Variants in POM121 observed in about 807,000 individuals in gnomAD.
The protein encoded by POM121 is POM121 transmembrane nucleoporin.
In POM121, 32 loss-of-function variants were observed where a neutral mutation model predicts 81.3. The ratio of observed to expected loss-of-function variants is 0.39; its 90% CI spans 0.30 to 0.53. POM121 has a LOEUF of 0.53. POM121 is among the 20% of genes least tolerant of loss of function. The pLI is 0.66. For synonymous variants in POM121, 514 were observed against 694.2 expected (o/e 0.74, Z 4.08); for missense variants, 1,138 against 1,614.6 (o/e 0.70, Z 5.06).
intron 3 of POM121, among the ~76,000 whole-genome samples, chr7:72,902,098 G>GTGAAACTC (rs1792710944): frequency 6.6e-6 from 1 of 150,878 alleles, no homozygotes; most frequent in African/African-American, 2.4e-5. Context: ...GGCAACAAGA[G>GTGAAACTC]TGAAACTCAT....
intron 3 of POM121, among the ~76,000 whole-genome samples, chr7:72,908,294 C>T (rs576176397): frequency 1.4e-4 from 22 of 152,194 alleles, no homozygotes; most frequent in African/African-American, 4.8e-5. Flanking sequence ...CATCACATGT[C>T]GGCAGGTTCC....
At chr7:72,902,113 A>C (rs1792714243) in intron 3 of POM121, among the ~76,000 whole-genome samples, 3 of 151,958 alleles carry the variant, frequency 2.0e-5, no homozygotes, top group Non-Finnish European at 1.5e-5. Context: ...ACTCATGAAA[A>C]AAAAAACAAA....
At chr7:72,948,807 G>C, downstream of POM121, 1 of 1,537,798 alleles carries the variant, frequency 6.5e-7, no homozygotes, top group Non-Finnish European at 9.0e-7. Flanking sequence ...GCGGGAGCTA[G>C]CCTGCAAGAG....
intron 3 of POM121, among the ~76,000 whole-genome samples, chr7:72,911,585 G>T (rs1203499789): frequency 6.6e-6 from 1 of 152,180 alleles, no homozygotes; most frequent in Non-Finnish European, 1.5e-5. Flanking sequence ...GTGCCTTTGC[G>T]CTCTGGCTCG....
chr7:72,926,750 A>G, intron 2 of POM121, 52 bp from the exon 3 acceptor site: 4 of 1,597,356 alleles, frequency 2.5e-6, no homozygotes, highest in Non-Finnish European at 2.6e-6. Context: ...TCTGTGCTAT[A>G]TGGCATGGGA....
intron 1 of POM121, among the ~76,000 whole-genome samples, chr7:72,882,533 T>TA (rs1286891854): frequency 2.6e-5 from 4 of 152,232 alleles, no homozygotes; most frequent in African/African-American, 9.6e-5. Flanking sequence ...TGCTGACTTA[T>TA]GGCTTATTCT....
At position 72,928,510 on chromosome 7, in the gene POM121, A is replaced by C. The variant is rs376342863; in HGVS notation, c.1103+45A>C. On this transcript the variant is annotated intron_variant, in intron 4 of 12. Transcript: ENST00000434423. ...GATGAAATACCAACTGTTTGGAAAA[A>C]GGCCTGATCAGAGCTGTTGCCCTAT... The C allele has an allele frequency of 8.3e-4, 1,323 of 1,588,650 alleles. 1 individual carries two copies. Among genetic ancestry groups the C allele is most frequent in the Admixed American group, 1.2e-3 (71 of 59,960 alleles).
chr7:72,925,406 C>G lies in POM121; in HGVS notation c.285C>G (p.Phe95Leu). Reference sequence around the variant, plus strand: ...GTCATCGGCGCCCCTTGTCCTCCTTCGTTCGGAAGGCGCGTCATCGGCGAA... The same window carrying G: ...GTCATCGGCGCCCCTTGTCCTCCTTGGTTCGGAAGGCGCGTCATCGGCGAA... Reference protein sequence around the residue: ...KARHRRPLSSFVRKARHRRTL... With the variant: ...KARHRRPLSSLVRKARHRRTL... Residue 95 changes from phenylalanine (F) to leucine (L), a missense_variant, in exon 1 of 13, where the codon TTC (phenylalanine) becomes TTG (leucine). By Grantham distance (22) the Phe-to-Leu change is conservative (BLOSUM62 0). This residue lies in a region of POM121 where 646 missense variants were observed against 633.5 expected (regional missense o/e 1.02). Coordinates refer to ENST00000434423, the MANE Select transcript of POM121 (RefSeq NM_001387691.1). The G allele has an allele frequency of 1.3e-6, 2 of 1,531,836 alleles. No homozygotes were observed. Among genetic ancestry groups the G allele is most frequent in the Non-Finnish European group, 1.7e-6 (2 of 1,145,054 alleles). 94.9% of individuals were successfully genotyped at this position (1,531,836 alleles called of 1,614,324 possible). A position where few individuals can be genotyped will look rare whatever the true frequency, so the allele number is the denominator to read the frequency against.
chr7:72,946,235 C>G lies in POM121; in HGVS notation c.*1C>G, dbSNP rs782100248. On this transcript the variant is annotated 3_prime_UTR_variant, in exon 13 of 13. Transcript: ENST00000434423. ...AAGGCAGCACACCCGCAAAAAGTAG[C>G]CTTTGTCCCCTGTCCCTGTTCCCCC... 20 of 1,611,222 alleles carry G rather than the reference C, an allele frequency of 1.2e-5. No individual in the cohort carries two copies. The highest frequency in any genetic ancestry group is 1.7e-5 in the Non-Finnish European group (20 of 1,179,512).
At chr7:72,904,379 G>A (rs1793025130) in intron 3 of POM121, among the ~76,000 whole-genome samples, 1 of 152,198 alleles carries the variant, frequency 6.6e-6, no homozygotes. Flanking sequence ...CATCAGTGGG[G>A]TATGCATTTG....
In POM121 at chr7:72,914,339, C is replaced by T. The variant is rs187224018; in HGVS notation, c.-152+511C>T. Reference sequence around the variant, plus strand: ...TCTTCCCAGCTGAGGCCCCACATGTCGTGGACCAGAGACAAGCCAGGCCTG... The same window carrying T: ...TCTTCCCAGCTGAGGCCCCACATGTTGTGGACCAGAGACAAGCCAGGCCTG... On this transcript the variant is annotated intron_variant, in intron 4 of 15. Transcript: ENST00000395270. Among the ~76,000 whole-genome samples the T allele has an allele frequency of 4.6e-5, 7 of 152,290 alleles. No individual in the cohort carries two copies. In the East Asian group the frequency reaches 7.7e-4, roughly 17 times the overall value.
intron 4 of POM121, among the ~76,000 whole-genome samples, chr7:72,919,333 G>A (rs1794592923): frequency 6.6e-6 from 1 of 151,820 alleles, no homozygotes; most frequent in South Asian, 2.1e-4. Flanking sequence ...GGAAAAACAG[G>A]CATATATATT....
chr7:72,890,339 T>C (rs1226387358), intron 1 of POM121, among the ~76,000 whole-genome samples: 1 of 152,180 alleles, frequency 6.6e-6, no homozygotes, highest in Non-Finnish European at 1.5e-5. Context: ...TATCTCCTTA[T>C]TAGGTTGTCT....
chr7:72,893,225 C>G (rs530463712), intron 3 of POM121, among the ~76,000 whole-genome samples: 3 of 152,148 alleles, frequency 2.0e-5, no homozygotes, highest in Non-Finnish European at 4.4e-5. Flanking sequence ...TTCCAAAGTG[C>G]TGGGATTACA....
At chr7:72,925,083 G>C (rs1795228576), upstream of POM121, 1 of 1,382,846 alleles carries the variant, frequency 7.2e-7, no homozygotes, top group Non-Finnish European at 9.3e-7. Flanking sequence ...CGCGGTGCAC[G>C]CTGGGATATT....
At chr7:72,881,774 C>T (rs1254485816) in intron 1 of POM121, among the ~76,000 whole-genome samples, 3 of 152,092 alleles carry the variant, frequency 2.0e-5, no homozygotes, top group Non-Finnish European at 4.4e-5. Context: ...GGATTACAGG[C>T]GTGCGCCACC....
chr7:72,910,925 C>T (rs1371690029), intron 3 of POM121, among the ~76,000 whole-genome samples: 1 of 152,030 alleles, frequency 6.6e-6, no homozygotes, highest in Non-Finnish European at 1.5e-5. Context: ...TGGGTCAGCC[C>T]TTCTCTTCTC....
intron 5 of POM121, among the ~76,000 whole-genome samples, chr7:72,934,152 T>G (rs1363607823): frequency 1.3e-5 from 2 of 152,004 alleles, no homozygotes; most frequent in Non-Finnish European, 2.9e-5. Flanking sequence ...TGCTGTGACC[T>G]TGGCTCACTG....
Position 72,939,970 on chromosome 7 carries a change from T to A in POM121, c.1563+2T>A, listed in dbSNP as rs1796905632. The stretch of plus-strand genomic sequence containing the variant: ...CGGCGAGGGGAACAGCTGACCTTGG[T>A]ATGGTCTTGTCCATCTACTCCTGCC... On this transcript the variant is annotated splice_donor_variant, in intron 8 of 12. Transcript: ENST00000434423. LOFTEE classifies it high-confidence loss of function. 1 of 1,605,984 alleles carries A rather than the reference T, an allele frequency of 6.2e-7. No individual in the cohort carries two copies. The highest frequency in any genetic ancestry group is 1.3e-5 in the African/African-American group (1 of 74,596).
Sources: gnomAD v4.1 joint callset for allele counts (sites outside exome capture counted in the v4.1 genomes callset) on GRCh38, gnomAD v4.1.1 for gene constraint, gnomAD v4.1.1 regional missense constraint, MANE v1.5 for transcripts, NCBI Gene and HGNC (gene_info 2026-07-23, HGNC 2026-07-21) for gene names.